The following GIMAP7 variants were observed in gnomAD, a reference collection of about 807,000 sequenced individuals.
GIMAP7 encodes GTPase IMAP family member 7.
For missense variants in GIMAP7, 323 were observed against 359.7 expected (o/e 0.90, Z 0.83); for synonymous variants, 137 against 129.3 (o/e 1.06, Z -0.40).
rs945508776 is a variant in GIMAP7 at position 150,519,608 on chromosome 7, G to GA, written c.-41-317dup. On this transcript the variant is annotated intron_variant, in intron 1 of 1. Coordinates refer to ENST00000313543, the MANE Select transcript of GIMAP7 (RefSeq NM_153236.4). ...TTGGAATCAATATACTTGCTTCATA[G>GA]AAAAAAAAAGTAACTTTTTCCTTCT... 2.3e-3 allele frequency among the ~76,000 whole-genome samples: 349 copies of GA among 150,980 alleles called. 2 individuals carry two copies. Among genetic ancestry groups the GA allele is most frequent in the African/African-American group, 6.6e-3 (272 of 41,210 alleles).
rs763167681 is a variant in GIMAP7 at position 150,520,372 on chromosome 7, G to T, written c.398G>T (p.Arg133Leu). ...AAGCACATGGTCATCTTGTTCACTC[G>T]CAAAGAAGAGTTGGAGGGCCAGAGC... ...AMKHMVILFTRKEELEGQSFH... is the reference protein window; with the variant it reads ...AMKHMVILFTLKEELEGQSFH... Residue 133 changes from arginine to leucine, a missense_variant, in exon 2 of 2, where the codon CGC becomes CTC. Arg to Leu is a moderately radical substitution (Grantham distance 102). Transcript: ENST00000313543. The T allele has an allele frequency of 1.9e-6, 3 of 1,614,056 alleles. No individual in the cohort carries two copies. The highest frequency in any genetic ancestry group is 1.3e-5 in the African/African-American group (1 of 74,914).
Position 150,519,990 on chromosome 7 carries a change from G to A in GIMAP7, c.16G>A (p.Asp6Asn). 1 of 1,614,004 alleles carries A rather than the reference G, an allele frequency of 6.2e-7. No homozygotes were observed. Among genetic ancestry groups the A allele is most frequent in the African/African-American group, 1.3e-5 (1 of 75,032 alleles). Residue 6 changes from aspartate to asparagine, a missense_variant, in exon 2 of 2, where the codon GAC (aspartate) becomes AAC (asparagine). Physicochemically the swap from Asp to Asn is conservative, Grantham distance 23. Coordinates refer to ENST00000313543, the MANE Select transcript of GIMAP7 (RefSeq NM_153236.4). ...TGACGTGAGCATGGCTGAGAGTGAG[G>A]ACCGCTCCCTGAGGATCGTTCTGGT... Reference protein sequence around the residue: MAESEDRSLRIVLVGK... With the variant: MAESENRSLRIVLVGK...
rs1213698351 is a variant in GIMAP7, at chr7:150,520,011, C to T, written c.37C>T (p.Leu13=). The change falls in exon 2 of 2, where the codon CTG becomes TTG. Residue 13 remains leucine, a synonymous_variant. Coordinates refer to ENST00000313543, the MANE Select transcript of GIMAP7 (RefSeq NM_153236.4). ...ESEDRSLRIV[L]VGKTGSGKSA... is the part of the protein sequence containing the mutation. ...TGAGGACCGCTCCCTGAGGATCGTT[C>T]TGGTAGGGAAAACTGGAAGTGGGAA... 4 of 1,614,022 alleles carry T rather than the reference C, an allele frequency of 2.5e-6. No homozygotes were observed. The African/African-American group carries it at 4.0e-5, about 16-fold the overall frequency.
rs751128999 is a variant in GIMAP7, at chr7:150,520,808, T to C, written c.834T>C (p.Asn278=). The C allele has an allele frequency of 6.5e-7, 1 of 1,532,112 alleles. No homozygotes were observed. Among genetic ancestry groups the C allele is most frequent in the Non-Finnish European group, 8.8e-7 (1 of 1,137,546 alleles). 94.9% of individuals were successfully genotyped at this position (1,532,112 alleles called of 1,614,324 possible). ...AERNIFKDVF[N]RIWKMLSEIW... ...GAAATATATTTAAAGATGTTTTTAA[T>C]AGGATTTGGAAGATGCTTTCAGAAA... The change falls in exon 2 of 2, where the codon AAT becomes AAC. Residue 278 remains asparagine, a synonymous_variant. Coordinates refer to ENST00000313543, the MANE Select transcript of GIMAP7 (RefSeq NM_153236.4).
chr7:150,520,386 GA>G lies in GIMAP7; in HGVS notation c.413del (p.Glu138GlyfsTer9). Reference sequence around the variant, plus strand: ...CTTGTTCACTCGCAAAGAAGAGTTGGAGGGCCAGAGCTTCCATGACTTCATA... The same window carrying G: ...CTTGTTCACTCGCAAAGAAGAGTTGGGGGCCAGAGCTTCCATGACTTCATA... ...VILFTRKEELEGQSFHDFIAD... is the reference protein window; with the variant it reads ...VILFTRKEELXGQSFHDFIAD... On this transcript the variant is annotated frameshift_variant, in exon 2 of 2. Coordinates refer to ENST00000313543, the MANE Select transcript of GIMAP7 (RefSeq NM_153236.4). LOFTEE classifies it low-confidence loss of function (END_TRUNC). 1 of 1,614,212 alleles carries G rather than the reference GA, an allele frequency of 6.2e-7. No homozygotes were observed. The highest frequency in any genetic ancestry group is 1.1e-5 in the South Asian group (1 of 91,086).
chr7:150,516,918 A>G (rs189971816), intron 1 of GIMAP7, among the ~76,000 whole-genome samples: 2 of 152,288 alleles, frequency 1.3e-5, no homozygotes, highest in Admixed American at 6.5e-5. Context: ...GAAGGCACAT[A>G]TGTTTGAATG....
Position 150,520,085 on chromosome 7 carries a change from A to G in GIMAP7, c.111A>G (p.Arg37=), listed in dbSNP as rs1563302214. ...TTGGAGAGGAAATCTTTGATTCTAG[A>G]ATTGCTGCCCAAGCTGTTACCAAGA... is the stretch of plus-strand genomic sequence containing the variant. The part of the protein sequence containing the change: ...TILGEEIFDS[R]IAAQAVTKNC... Residue 37 remains arginine (R), a synonymous_variant, in exon 2 of 2, where the codon AGA becomes AGG. Coordinates refer to ENST00000313543, the MANE Select transcript of GIMAP7 (RefSeq NM_153236.4). The G allele has an allele frequency of 1.2e-6, 2 of 1,614,130 alleles. No homozygotes were observed. The highest frequency in any genetic ancestry group is 2.2e-5 in the South Asian group (2 of 91,080).
At chr7:150,517,793 T>C (rs961769134) in intron 1 of GIMAP7, among the ~76,000 whole-genome samples, 12 of 152,100 alleles carry the variant, frequency 7.9e-5, no homozygotes, top group African/African-American at 2.7e-4. Flanking sequence ...AAGATCAAAT[T>C]TGCAAAAACA....
chr7:150,515,811 T>C (rs1795131463), intron 1 of GIMAP7, among the ~76,000 whole-genome samples: 1 of 152,198 alleles, frequency 6.6e-6, no homozygotes, highest in Non-Finnish European at 1.5e-5. Flanking sequence ...ATGAGAGAGA[T>C]GGAAAAGTCC....
chr7:150,516,280 T>G (rs912489530), intron 1 of GIMAP7, among the ~76,000 whole-genome samples: 1 of 152,190 alleles, frequency 6.6e-6, no homozygotes, highest in Non-Finnish European at 1.5e-5. Context: ...TGTGAAAAAT[T>G]TATACTTATT....
Position 150,520,187 on chromosome 7 carries a change from G to A in GIMAP7, c.213G>A (p.Lys71=). ...ACACTCCAGGGCTCTTTGACACCAA[G>A]GAGAGCCTGGACACCACCTGCAAGG... ...VVDTPGLFDT[K]ESLDTTCKEI... is the part of the protein sequence containing the mutation. The change falls in exon 2 of 2, where the codon AAG becomes AAA. Residue 71 remains lysine, a synonymous_variant. Coordinates refer to ENST00000313543, the MANE Select transcript of GIMAP7 (RefSeq NM_153236.4). The A allele has an allele frequency of 6.2e-7, 1 of 1,614,092 alleles. No homozygotes were observed. Among genetic ancestry groups the A allele is most frequent in the Non-Finnish European group, 8.5e-7 (1 of 1,179,986 alleles).
chr7:150,520,132 A>AATGGCAGGG lies in GIMAP7; in HGVS notation c.159_167dup (p.Trp54_Gly56dup), dbSNP rs749012072. On this transcript the variant is annotated inframe_insertion, in exon 2 of 2. Coordinates refer to ENST00000313543, the MANE Select transcript of GIMAP7 (RefSeq NM_153236.4). Reference sequence around the variant, plus strand: ...AAGAACTGTCAAAAAGCATCCCGGGAATGGCAGGGGAGAGACCTTCTTGTT... The same window carrying AATGGCAGGG: ...AAGAACTGTCAAAAAGCATCCCGGGAATGGCAGGGATGGCAGGGGAGAGACCTTCTTGTT... The AATGGCAGGG allele has an allele frequency of 6.2e-7, 1 of 1,614,180 alleles. No homozygotes were observed. The highest frequency in any genetic ancestry group is 2.2e-5 in the East Asian group (1 of 44,882).
At chr7:150,515,581 G>C (rs1795127563) in intron 1 of GIMAP7, among the ~76,000 whole-genome samples, 1 of 152,178 alleles carries the variant, frequency 6.6e-6, no homozygotes, top group African/African-American at 2.4e-5. Context: ...TATAGCAGAG[G>C]GAACTGGATC....
intron 1 of GIMAP7, among the ~76,000 whole-genome samples, chr7:150,516,149 T>C (rs1051784950): frequency 6.6e-6 from 1 of 152,210 alleles, no homozygotes; most frequent in African/African-American, 2.4e-5. Flanking sequence ...ATAAAATTAG[T>C]TTCACTGTAG....
intron 1 of GIMAP7, among the ~76,000 whole-genome samples, chr7:150,518,840 A>G (rs1171511973): frequency 6.6e-6 from 1 of 151,986 alleles, no homozygotes; most frequent in African/African-American, 2.4e-5. Flanking sequence ...CAAATTTCTG[A>G]TCTATTTGGA....
Position 150,519,942 on chromosome 7 carries a change from C to T in GIMAP7, c.-33C>T, listed in dbSNP as rs767729101. On this transcript the variant is annotated 5_prime_UTR_variant, in exon 2 of 2. It adds an upstream start codon to the 5' untranslated region. Transcript: ENST00000313543. ...ATCTTCCCCTCCTTAAGGTCTTGTA[C>T]GTGCCTAAGTTCTAGAGCCTCCTGA... The T allele has an allele frequency of 3.5e-5, 56 of 1,599,348 alleles. No homozygotes were observed. The highest frequency in any genetic ancestry group is 1.7e-4 in the Middle Eastern group (1 of 5,958).
chr7:150,520,457 G>A lies in GIMAP7; in HGVS notation c.483G>A (p.Gly161=), dbSNP rs1422883083. Residue 161 remains glycine (G), a synonymous_variant, in exon 2 of 2, where the codon GGG becomes GGA. Transcript: ENST00000313543. Reference sequence around the variant, plus strand: ...TAAAAAGCATCGTCAAGGAGTGCGGGAACCGCTGCTGTGCCTTTAGCAACA... The same window carrying A: ...TAAAAAGCATCGTCAAGGAGTGCGGAAACCGCTGCTGTGCCTTTAGCAACA... ...VGLKSIVKEC[G]NRCCAFSNSK... 1 of 1,614,228 alleles carries A rather than the reference G, an allele frequency of 6.2e-7. No homozygotes were observed.
chr7:150,520,680 GA>G lies in GIMAP7; in HGVS notation c.708del (p.Glu237ArgfsTer17). 1.9e-6 allele frequency: 3 copies of G among 1,602,202 alleles called. No homozygotes were observed. Among genetic ancestry groups the G allele is most frequent in the Middle Eastern group, 1.7e-4 (1 of 6,022 alleles). On this transcript the variant is annotated frameshift_variant, in exon 2 of 2. Transcript: ENST00000313543. LOFTEE classifies it low-confidence loss of function (END_TRUNC). The stretch of plus-strand genomic sequence containing the variant: ...ATTAAATGAAGAAATTAAACTAGTA[GA>G]AGAGGATAAGCATAAATCAGAGGAA... ...DQLNEEIKLV[E>X]EDKHKSEEEK...
chr7:150,518,815 G>A (rs1795159367), intron 1 of GIMAP7, among the ~76,000 whole-genome samples: 1 of 151,990 alleles, frequency 6.6e-6, no homozygotes, highest in Non-Finnish European at 1.5e-5. Flanking sequence ...ATTTATATGG[G>A]ATAGTTTTTG....
Sources: gnomAD v4.1 joint callset for allele counts (sites outside exome capture counted in the v4.1 genomes callset) on GRCh38, gnomAD v4.1.1 for gene constraint, MANE v1.5 for transcripts, NCBI Gene and HGNC (gene_info 2026-07-23, HGNC 2026-07-21) for gene names.